The following RPSA2 variants were observed in gnomAD, a reference collection of about 807,000 sequenced individuals.
The protein encoded by RPSA2 is small ribosomal subunit protein uS2B.
chr19:23,854,115 C>A, the RPSA2 span, among the ~76,000 whole-genome samples: 2 of 151,548 alleles, frequency 1.3e-5, no homozygotes, highest in African/African-American at 4.9e-5. Flanking sequence ...AATTGAGCAA[C>A]TGACTCACTG....
At chr19:23,851,416 AC>A in the RPSA2 span, among the ~76,000 whole-genome samples, 1 of 152,190 alleles carries the variant, frequency 6.6e-6, no homozygotes, top group African/African-American at 2.4e-5. Flanking sequence ...CCTTTTGGTT[AC>A]CAGCAGCCAT....
the RPSA2 span, among the ~76,000 whole-genome samples, chr19:23,854,354 G>C: frequency 1.6e-4 from 24 of 152,200 alleles, no homozygotes; most frequent in African/African-American, 2.7e-4. Flanking sequence ...GAGATCTACT[G>C]CTCCACCCCC....
chr19:23,793,421 G>GT, the RPSA2 span, among the ~76,000 whole-genome samples: 1 of 149,592 alleles, frequency 6.7e-6, no homozygotes, highest in African/African-American at 2.5e-5. Context: ...TTATTGTATT[G>GT]TATTTGTATT....
the RPSA2 span, among the ~76,000 whole-genome samples, chr19:23,834,941 ATATATGTT>A: frequency 6.6e-6 from 1 of 152,038 alleles, no homozygotes; most frequent in South Asian, 2.1e-4. Context: ...ATTTCTGTGG[ATATATGTT>A]TATATGTTTA....
chr19:23,788,451 T>G, the RPSA2 span, among the ~76,000 whole-genome samples: 1 of 152,090 alleles, frequency 6.6e-6, no homozygotes, highest in East Asian at 1.9e-4. Flanking sequence ...ATGTATCACT[T>G]GGCCCAGCAC....
the RPSA2 span, among the ~76,000 whole-genome samples, chr19:23,793,210 CT>C: frequency 3.2e-3 from 3 of 944 alleles, no homozygotes; most frequent in African/African-American, 5.3e-3. Context: ...AGGTGGCTTT[CT>C]TTTTTTTTTT....
At chr19:23,828,641 A>C in the RPSA2 span, among the ~76,000 whole-genome samples, 1 of 150,660 alleles carries the variant, frequency 6.6e-6, no homozygotes, top group Admixed American at 6.6e-5. Flanking sequence ...ACTTTTAAAA[A>C]ATTTGATAAG....
the RPSA2 span, among the ~76,000 whole-genome samples, chr19:23,761,907 T>TCCTTCCTTCC: frequency 3.2e-5 from 1 of 31,706 alleles, no homozygotes; most frequent in African/African-American, 1.1e-4. Flanking sequence ...CGTAATTCTT[T>TCCTTCCTTCC]CTTTCTTTCT....
the RPSA2 span, among the ~76,000 whole-genome samples, chr19:23,824,317 C>T: frequency 1.3e-5 from 2 of 152,186 alleles, no homozygotes; most frequent in Admixed American, 1.3e-4. Context: ...TGGTATACGT[C>T]TTACTCAAGC....
At chr19:23,774,780 C>G in the RPSA2 span, among the ~76,000 whole-genome samples, 1 of 152,136 alleles carries the variant, frequency 6.6e-6, no homozygotes, top group Non-Finnish European at 1.5e-5. Context: ...TGATATGACT[C>G]TACTGTCTGT....
chr19:23,819,885 C>T, the RPSA2 span, among the ~76,000 whole-genome samples: 1 of 152,140 alleles, frequency 6.6e-6, no homozygotes, highest in African/African-American at 2.4e-5. Context: ...TGTGTAACTT[C>T]CACTTTATTT....
At chr19:23,866,101 T>C in the RPSA2 span, among the ~76,000 whole-genome samples, 1 of 152,178 alleles carries the variant, frequency 6.6e-6, no homozygotes, top group Admixed American at 6.5e-5. Context: ...TCAGATCTGG[T>C]ACAACAATTA....
the RPSA2 span, among the ~76,000 whole-genome samples, chr19:23,846,979 C>T: frequency 6.6e-6 from 1 of 152,010 alleles, no homozygotes; most frequent in Non-Finnish European, 1.5e-5. Flanking sequence ...GTTTTTTATT[C>T]CTCAGAAACT....
the RPSA2 span, among the ~76,000 whole-genome samples, chr19:23,846,890 AT>A: frequency 1.8e-4 from 27 of 152,230 alleles, no homozygotes; most frequent in Non-Finnish European, 4.4e-5. Context: ...CTTCCTGTAT[AT>A]GTATGTCTAA....
chr19:23,822,163 C>T, the RPSA2 span, among the ~76,000 whole-genome samples: 7 of 152,298 alleles, frequency 4.6e-5, no homozygotes, highest in Admixed American at 2.6e-4. Context: ...ACTTCAGAGA[C>T]CTTCCTTATA....
At chr19:23,861,526 T>A in the RPSA2 span, among the ~76,000 whole-genome samples, 1 of 152,154 alleles carries the variant, frequency 6.6e-6, no homozygotes, top group South Asian at 2.1e-4. Context: ...TGTTAAAAAT[T>A]TCATCCTTGG....
chr19:23,840,142 G>A, the RPSA2 span, among the ~76,000 whole-genome samples: 2 of 152,202 alleles, frequency 1.3e-5, no homozygotes, highest in East Asian at 1.9e-4. Flanking sequence ...GGTCAAAACT[G>A]TGTCCACATT....
the RPSA2 span, among the ~76,000 whole-genome samples, chr19:23,796,936 G>A: frequency 6.6e-6 from 1 of 151,116 alleles, no homozygotes; most frequent in Non-Finnish European, 1.5e-5. Flanking sequence ...TCTGCTGCTA[G>A]CTTAGGGATT....
At chr19:23,827,752 C>T in the RPSA2 span, 1 of 1,580,570 alleles carries the variant, frequency 6.3e-7, no homozygotes, top group Non-Finnish European at 8.6e-7. Context: ...CATGGGAGGT[C>T]ATGCCTGATC....
Sources: gnomAD v4.1 joint callset for allele counts (sites outside exome capture counted in the v4.1 genomes callset) on GRCh38, gnomAD v4.1.1 for gene constraint, MANE v1.5 for transcripts, NCBI Gene and HGNC (gene_info 2026-07-23, HGNC 2026-07-21) for gene names.